Variants in PCDHGA4 observed in about 807,000 individuals in gnomAD.
PCDHGA4 encodes the protein protocadherin gamma-A4.
Under a neutral mutation model 54.6 loss-of-function variants are expected in PCDHGA4, and 38 were observed. That is an observed-to-expected ratio of 0.70 (90% CI 0.54 to 0.91). The LOEUF is 0.91. Among genes scored for constraint, PCDHGA4 ranks in the 40% least tolerant of loss-of-function variants. The pLI, the probability that PCDHGA4 is intolerant of heterozygous loss-of-function variation, is 0.00. For missense variants in PCDHGA4, 1,298 were observed against 1,220.9 expected, an observed-to-expected ratio of 1.06 and a Z score of -0.94; for synonymous variants, 511 against 512.9, an observed-to-expected ratio of 1.00 and a Z score of 0.05.
rs529934949 is a variant in PCDHGA4 at position 141,383,902 on chromosome 5, A to C, written c.2514+26281A>C. ...TAGTCTGACAAAGGCAAAAGTACTG[A>C]TCACAGTTTTAGATGTAAATGATAA... On this transcript the variant is annotated intron_variant, in intron 1 of 3. Coordinates refer to ENST00000571252, the MANE Select transcript of PCDHGA4 (RefSeq NM_018917.4). The C allele has an allele frequency of 4.8e-5, 77 of 1,613,976 alleles. 1 individual carries two copies. The South Asian group carries it at 7.9e-4, about 17-fold the overall frequency.
chr5:141,487,397 G>C lies in PCDHGA4; in HGVS notation c.2515-7410G>C. On this transcript the variant is annotated intron_variant, in intron 1 of 3. Coordinates refer to ENST00000571252, the MANE Select transcript of PCDHGA4 (RefSeq NM_018917.4). The surrounding 1 kb of genome is among the most constrained non-coding windows in gnomAD (Gnocchi z 5.0). ...TCTCACCAGATCTCGAAGGAGGGAG[G>C]GGCTTCCCCCTTCCAATGGGATCCT... The C allele has an allele frequency of 6.2e-7, 1 of 1,614,062 alleles. No homozygotes were observed. The highest frequency in any genetic ancestry group is 8.5e-7 in the Non-Finnish European group (1 of 1,180,008).
chr5:141,431,438 C>A lies in PCDHGA4; in HGVS notation c.2515-63369C>A, dbSNP rs773812765. 6.2e-7 allele frequency: 1 copy of A among 1,613,612 alleles called. No homozygotes were observed. The highest frequency in any genetic ancestry group is 1.7e-5 in the Admixed American group (1 of 60,004). ...CGACCCGGTGCGCACAGGCACCGCG[C>A]GCATCCGCGTGATGGTTCTGGATGC... On this transcript the variant is annotated intron_variant, in intron 1 of 3. Coordinates refer to ENST00000571252, the MANE Select transcript of PCDHGA4 (RefSeq NM_018917.4). This position sits in a 1 kb window ranked among gnomAD's most constrained non-coding sequence, Gnocchi z 4.8.
chr5:141,423,689 G>A (rs2096767103), intron 1 of PCDHGA4: 2 of 1,400,130 alleles, frequency 1.4e-6, no homozygotes, highest in Non-Finnish European at 9.4e-7. Context: ...CCTCCTAATT[G>A]TTGGTGTCTT....
chr5:141,382,904 C>G, intron 1 of PCDHGA4: 1 of 1,543,132 alleles, frequency 6.5e-7, no homozygotes, highest in Non-Finnish European at 8.7e-7. Context: ...ACGACTATGG[C>G]GGCTCAGCCG....
chr5:141,406,620 C>T (rs1355085005), intron 1 of PCDHGA4, among the ~76,000 whole-genome samples: 1 of 152,148 alleles, frequency 6.6e-6, no homozygotes, highest in Non-Finnish European at 1.5e-5. Flanking sequence ...CTTTTATTCT[C>T]ATATCTTCAA....
Position 141,431,222 on chromosome 5 carries a change from C to A in PCDHGA4, c.2515-63585C>A. On this transcript the variant is annotated intron_variant, in intron 1 of 3. Transcript: ENST00000571252. The surrounding 1 kb of genome is among the most constrained non-coding windows in gnomAD (Gnocchi z 4.8). ...AGCCACTGAGATGCGGTTCCCTCTA[C>A]CCCACGCCTGGGATCCGGATATCGG... 3 of 1,614,170 alleles carry A rather than the reference C, an allele frequency of 1.9e-6. No individual in the cohort carries two copies. The highest frequency in any genetic ancestry group is 2.5e-6 in the Non-Finnish European group (3 of 1,180,034).
chr5:141,385,672 C>A, intron 1 of PCDHGA4: 2 of 389,948 alleles, frequency 5.1e-6, no homozygotes, highest in Non-Finnish European at 7.4e-6. Flanking sequence ...ATAAAACACA[C>A]CTCAGCTGTC....
intron 1 of PCDHGA4, chr5:141,414,168 T>C: frequency 6.2e-7 from 1 of 1,605,598 alleles, no homozygotes; most frequent in Non-Finnish European, 8.5e-7. Context: ...GAGGAGCATA[T>C]CTTGCAACTG....
At chr5:141,403,118 C>A (rs780657795) in intron 1 of PCDHGA4, 2 of 1,614,058 alleles carry the variant, frequency 1.2e-6, no homozygotes. Context: ...GGCTCTGGAG[C>A]CCCGGGAGCT....
At chr5:141,384,648 G>A in intron 1 of PCDHGA4, 1 of 1,614,238 alleles carries the variant, frequency 6.2e-7, no homozygotes, top group Middle Eastern at 1.6e-4. Flanking sequence ...GCTCCGCAGA[G>A]CCCGGCTACC....
intron 1 of PCDHGA4, among the ~76,000 whole-genome samples, chr5:141,483,525 A>G (rs1442825090): frequency 1.3e-5 from 2 of 152,126 alleles, no homozygotes; most frequent in African/African-American, 4.8e-5. Context: ...ATCCTGACTA[A>G]GGAAGCTGGG....
chr5:141,374,218 A>C, intron 1 of PCDHGA4: 1 of 1,613,952 alleles, frequency 6.2e-7, no homozygotes, highest in Non-Finnish European at 8.5e-7. Flanking sequence ...GCTCCTTCGT[A>C]GGCAACATCG....
chr5:141,374,385 G>A (rs1588739577), intron 1 of PCDHGA4: 3 of 1,614,026 alleles, frequency 1.9e-6, no homozygotes, highest in African/African-American at 1.3e-5. Flanking sequence ...CAGAGCCCGC[G>A]GTGTCTGGTG....
chr5:141,447,064 C>T (rs1453083716), intron 1 of PCDHGA4, among the ~76,000 whole-genome samples: 1 of 152,064 alleles, frequency 6.6e-6, no homozygotes, highest in Non-Finnish European at 1.5e-5. Context: ...ATGTGTCAGG[C>T]TGTTTTAATT....
rs544291535 is a variant in PCDHGA4 at position 141,433,938 on chromosome 5, C to T, written c.2515-60869C>T. 4.6e-5 allele frequency among the ~76,000 whole-genome samples: 7 copies of T among 151,784 alleles called. No homozygotes were observed. The South Asian group carries it at 1.3e-3, about 27-fold the overall frequency. On this transcript the variant is annotated intron_variant, in intron 1 of 3. Coordinates refer to ENST00000571252, the MANE Select transcript of PCDHGA4 (RefSeq NM_018917.4). ...CCTCCAAATGAAGATTTTATAATTCCATTGTTTCTTCTACAGTTGTTAATT... is the reference window on the plus strand; with the variant it reads ...CCTCCAAATGAAGATTTTATAATTCTATTGTTTCTTCTACAGTTGTTAATT...
intron 1 of PCDHGA4, among the ~76,000 whole-genome samples, chr5:141,369,528 C>T (rs952225187): frequency 6.6e-6 from 1 of 152,120 alleles, no homozygotes; most frequent in Non-Finnish European, 1.5e-5. Context: ...TTCAATCATA[C>T]TTATTTAATT....
intron 1 of PCDHGA4, chr5:141,405,323 T>C (rs1420760439): frequency 6.2e-7 from 1 of 1,614,220 alleles, no homozygotes; most frequent in Non-Finnish European, 8.5e-7. Context: ...AAATGAGCCT[T>C]TGTGCGTCTC....
chr5:141,432,808 C>T lies in PCDHGA4; in HGVS notation c.2515-61999C>T, dbSNP rs1473886709. ...TCGGCAGCCTCGAGTCTCCAGCTAA[C>T]TCTGAAACCTCAGACCTCACTCTGT... On this transcript the variant is annotated intron_variant, in intron 1 of 3. Transcript: ENST00000571252. This position sits in a 1 kb window ranked among gnomAD's most constrained non-coding sequence, Gnocchi z 6.0. 6.2e-7 allele frequency: 1 copy of T among 1,613,486 alleles called. No homozygotes were observed. Among genetic ancestry groups the T allele is most frequent in the African/African-American group, 1.3e-5 (1 of 74,426 alleles).
chr5:141,409,907 C>T (rs1370065492), intron 1 of PCDHGA4: 1 of 1,613,294 alleles, frequency 6.2e-7, no homozygotes, highest in East Asian at 2.2e-5. Flanking sequence ...AGCTCTGGGT[C>T]CTGACGGCTC....
Sources: allele counts gnomAD v4.1 joint callset (sites outside exome capture counted in the v4.1 genomes callset), GRCh38; gene constraint gnomAD v4.1.1; non-coding constraint Gnocchi (gnomAD v3.1); transcripts MANE v1.5; gene names NCBI Gene and HGNC (gene_info 2026-07-23, HGNC 2026-07-21).